The following CLEC11A variants were observed in gnomAD, a reference collection of about 807,000 sequenced individuals.
CLEC11A encodes C-type lectin domain containing 11A.
A neutral mutation model predicts 33.9 loss-of-function variants in CLEC11A; 35 were observed. The observed-to-expected ratio is 1.03, with a 90% CI of 0.79 to 1.37. CLEC11A has a LOEUF of 1.37. Among genes scored for constraint, CLEC11A ranks in the 40% most tolerant of loss-of-function variants. The pLI is 0.00. For missense variants in CLEC11A, 519 were observed against 455.5 expected, an observed-to-expected ratio of 1.14 and a Z score of -1.27; for synonymous variants, 220 against 202.2, an observed-to-expected ratio of 1.09 and a Z score of -0.75.
At position 50,724,159 on chromosome 19, in the gene CLEC11A, GTCGGT is replaced by G; in HGVS notation, c.334+71_334+75del. The G allele has an allele frequency of 6.2e-7, 1 of 1,604,368 alleles. No homozygotes were observed. Among genetic ancestry groups the G allele is most frequent in the South Asian group, 1.1e-5 (1 of 90,540 alleles). ...GCGGTCACTTTCGCAAAAATGAAGG[GTCGGT>G]TCACTGCCAAGTGGCCTTTCAGTTG... is the stretch of plus-strand genomic sequence containing the variant. On this transcript the variant is annotated intron_variant, in intron 2 of 3. Transcript: ENST00000250340. The surrounding 1 kb of genome is among the most constrained non-coding windows in gnomAD (Gnocchi z 4.1).
chr19:50,724,851 C>CG lies in CLEC11A; in HGVS notation c.527-169dup. On this transcript the variant is annotated intron_variant, in intron 3 of 3. Coordinates refer to ENST00000250340, the MANE Select transcript of CLEC11A (RefSeq NM_002975.3). This position sits in a 1 kb window ranked among gnomAD's most constrained non-coding sequence, Gnocchi z 4.1. Reference sequence around the variant, plus strand: ...TCCCACCGCCTGGCCCCGCCCCTGGCGGACCAGACTCTCCACCTCCTGGCT... The same window carrying CG: ...TCCCACCGCCTGGCCCCGCCCCTGGCGGGACCAGACTCTCCACCTCCTGGCT... 1.4e-6 allele frequency: 2 copies of CG among 1,394,492 alleles called. No homozygotes were observed. The highest frequency in any genetic ancestry group is 1.9e-6 in the Non-Finnish European group (2 of 1,079,676). 86.4% of individuals were successfully genotyped at this position (1,394,492 alleles called of 1,614,324 possible). A position where few individuals can be genotyped will look rare whatever the true frequency, so the allele number is the denominator to read the frequency against.
At position 50,724,305 on chromosome 19, in the gene CLEC11A, C is replaced by CGAG; in HGVS notation, c.335-105_335-104insGAG. 9.6e-7 allele frequency: 1 copy of CGAG among 1,038,046 alleles called. No individual in the cohort carries two copies. Among genetic ancestry groups the CGAG allele is most frequent in the Non-Finnish European group, 1.3e-6 (1 of 740,810 alleles). 64.3% of individuals were successfully genotyped at this position (1,038,046 alleles called of 1,614,324 possible). ...CCAGGAGTCCGGGGTGCCCCCCCCACCGCCACCCCGCCCTCAGGAGCCCTA... is the reference window on the plus strand; with the variant it reads ...CCAGGAGTCCGGGGTGCCCCCCCCACGAGCGCCACCCCGCCCTCAGGAGCCCTA... On this transcript the variant is annotated intron_variant, in intron 2 of 3. Coordinates refer to ENST00000250340, the MANE Select transcript of CLEC11A (RefSeq NM_002975.3). The surrounding 1 kb of genome is among the most constrained non-coding windows in gnomAD (Gnocchi z 4.1).
At position 50,725,215 on chromosome 19, in the gene CLEC11A, G is replaced by C. The variant is rs1286973640; in HGVS notation, c.720G>C (p.Leu240=). The change falls in exon 4 of 4, where the codon CTG becomes CTC. Residue 240 remains leucine, a synonymous_variant. Transcript: ENST00000250340. ...CTCCCTACAACTGGCCCGTGTGGCT[G>C]GGCGTGCACGATCGGCGCGCCGAGG... ...ALAPYNWPVW[L]GVHDRRAEGL... The C allele has an allele frequency of 6.3e-7, 1 of 1,595,742 alleles. No individual in the cohort carries two copies. Among genetic ancestry groups the C allele is most frequent in the Non-Finnish European group, 8.5e-7 (1 of 1,172,310 alleles).
Position 50,724,581 on chromosome 19 carries a change from G to C in CLEC11A, c.506G>C (p.Arg169Pro), listed in dbSNP as rs767667074. The C allele has an allele frequency of 2.8e-6, 4 of 1,429,630 alleles. No individual in the cohort carries two copies. Among genetic ancestry groups the C allele is most frequent in the Non-Finnish European group, 3.6e-6 (4 of 1,097,026 alleles). The allele number at this position is 1,429,630 out of a possible 1,614,324, so 88.6% of individuals were successfully genotyped here. Residue 169 changes from arginine (R) to proline (P), a missense_variant, in exon 3 of 4, where the codon CGC becomes CCC. Arg to Pro is a moderately radical substitution (Grantham distance 103, BLOSUM62 -2). Coordinates refer to ENST00000250340, the MANE Select transcript of CLEC11A (RefSeq NM_002975.3). The surrounding 1 kb of genome is among the most constrained non-coding windows in gnomAD (Gnocchi z 4.1). ...ALQEAQGRAE[R>P]EHGRLEGCLK... is the part of the protein sequence containing the mutation. ...CAGGAGGCGCAGGGTCGCGCCGAGC[G>C]CGAGCACGGCCGCTTGGAGGGTGAG...
chr19:50,723,728 G>A lies in CLEC11A; in HGVS notation c.147+56G>A. On this transcript the variant is annotated intron_variant, in intron 1 of 3. Coordinates refer to ENST00000250340, the MANE Select transcript of CLEC11A (RefSeq NM_002975.3). The surrounding 1 kb of genome is among the most constrained non-coding windows in gnomAD (Gnocchi z 4.1). Reference sequence around the variant, plus strand: ...TGGTGAACTGTGGGTCTGGGAGGGGGTATTGCAAGGTTAGGGAAATGGACA... The same window carrying A: ...TGGTGAACTGTGGGTCTGGGAGGGGATATTGCAAGGTTAGGGAAATGGACA... 1 of 1,534,502 alleles carries A rather than the reference G, an allele frequency of 6.5e-7. No individual in the cohort carries two copies. The highest frequency in any genetic ancestry group is 1.3e-5 in the South Asian group (1 of 77,956).
Position 50,724,155 on chromosome 19 carries a change from A to G in CLEC11A, c.334+64A>G. ...CGCCGCGGTCACTTTCGCAAAAATG[A>G]AGGGTCGGTTCACTGCCAAGTGGCC... On this transcript the variant is annotated intron_variant, in intron 2 of 3. Coordinates refer to ENST00000250340, the MANE Select transcript of CLEC11A (RefSeq NM_002975.3). This position sits in a 1 kb window ranked among gnomAD's most constrained non-coding sequence, Gnocchi z 4.1. 6.2e-7 allele frequency: 1 copy of G among 1,605,622 alleles called. No homozygotes were observed. The highest frequency in any genetic ancestry group is 2.2e-5 in the East Asian group (1 of 44,810).
Position 50,724,218 on chromosome 19 carries a change from C to T in CLEC11A, c.334+127C>T, listed in dbSNP as rs1568449743. 2.1e-6 allele frequency: 3 copies of T among 1,457,982 alleles called. No homozygotes were observed. The South Asian group carries it at 3.9e-5, about 19-fold the overall frequency. The allele number at this position is 1,457,982 out of a possible 1,614,324, so 90.3% of individuals were successfully genotyped here. A position where few individuals can be genotyped will look rare whatever the true frequency, so the allele number is the denominator to read the frequency against. On this transcript the variant is annotated intron_variant, in intron 2 of 3. Transcript: ENST00000250340. This position sits in a 1 kb window ranked among gnomAD's most constrained non-coding sequence, Gnocchi z 4.1. ...ATTGCCCAGCCCAGAGCCCCCACACCCCTAGGAGCCCCAGGTCCACGGCCA... is the reference window on the plus strand; with the variant it reads ...ATTGCCCAGCCCAGAGCCCCCACACTCCTAGGAGCCCCAGGTCCACGGCCA...
Position 50,724,836 on chromosome 19 carries a change from T to G in CLEC11A, c.527-186T>G. 7.2e-7 allele frequency: 1 copy of G among 1,381,856 alleles called. No homozygotes were observed. Among genetic ancestry groups the G allele is most frequent in the Non-Finnish European group, 9.4e-7 (1 of 1,067,962 alleles). 85.6% of individuals were successfully genotyped at this position (1,381,856 alleles called of 1,614,324 possible). A position where few individuals can be genotyped will look rare whatever the true frequency, so the allele number is the denominator to read the frequency against. On this transcript the variant is annotated intron_variant, in intron 3 of 3. Coordinates refer to ENST00000250340, the MANE Select transcript of CLEC11A (RefSeq NM_002975.3). This position sits in a 1 kb window ranked among gnomAD's most constrained non-coding sequence, Gnocchi z 4.1. ...CCCCTACAGTCCAGCTCCCACCGCC[T>G]GGCCCCGCCCCTGGCGGACCAGACT...
At position 50,723,726 on chromosome 19, in the gene CLEC11A, G is replaced by T. The variant is rs1487629653; in HGVS notation, c.147+54G>T. 13 of 1,535,680 alleles carry T rather than the reference G, an allele frequency of 8.5e-6. No individual in the cohort carries two copies. The African/African-American group carries it at 1.7e-4, about 20-fold the overall frequency. The stretch of plus-strand genomic sequence containing the variant: ...GGTGGTGAACTGTGGGTCTGGGAGG[G>T]GGTATTGCAAGGTTAGGGAAATGGA... On this transcript the variant is annotated intron_variant, in intron 1 of 3. Coordinates refer to ENST00000250340, the MANE Select transcript of CLEC11A (RefSeq NM_002975.3). This position sits in a 1 kb window ranked among gnomAD's most constrained non-coding sequence, Gnocchi z 4.1.
rs760220370 is a variant in CLEC11A, at chr19:50,725,374, C to A, written c.879C>A (p.Leu293=). The change falls in exon 4 of 4, where the codon CTC becomes CTA. Residue 293 remains leucine, a synonymous_variant. Transcript: ENST00000250340. ...LSPDQPNGGT[L]ENCVAQASDD... Reference sequence around the variant, plus strand: ...CGGACCAGCCCAACGGTGGCACGCTCGAGAACTGCGTGGCGCAGGCCTCTG... The same window carrying A: ...CGGACCAGCCCAACGGTGGCACGCTAGAGAACTGCGTGGCGCAGGCCTCTG... 5 of 1,611,996 alleles carry A rather than the reference C, an allele frequency of 3.1e-6. No individual in the cohort carries two copies.
rs759751080 is a variant in CLEC11A, at chr19:50,725,168, C to T, written c.673C>T (p.Arg225Trp). 12 of 1,574,294 alleles carry T rather than the reference C, an allele frequency of 7.6e-6. No individual in the cohort carries two copies. Among genetic ancestry groups the T allele is most frequent in the South Asian group, 1.2e-5 (1 of 86,452 alleles). ...CCGCCAGCAGATGGAGGCGCTCACTCGGTACCTGCGCGCGGCGCTCGCTCC... is the reference window on the plus strand; with the variant it reads ...CCGCCAGCAGATGGAGGCGCTCACTTGGTACCTGCGCGCGGCGCTCGCTCC... Reference protein sequence around the residue: ...ADRQQMEALTRYLRAALAPYN... With the variant: ...ADRQQMEALTWYLRAALAPYN... Residue 225 changes from arginine to tryptophan, a missense_variant, in exon 4 of 4, where the codon CGG becomes TGG. Transcript: ENST00000250340.
chr19:50,723,575 G>A lies in CLEC11A; in HGVS notation c.50G>A (p.Gly17Asp). Reference sequence around the variant, plus strand: ...GCTTTGGTGGTCCCCCAGCTCTTGGGCTTTGGCCATGGGGCTCGGGGAGCA... The same window carrying A: ...GCTTTGGTGGTCCCCCAGCTCTTGGACTTTGGCCATGGGGCTCGGGGAGCA... ...LGALVVPQLL[G>D]FGHGARGAER... is the part of the protein sequence containing the mutation. Residue 17 changes from glycine (G) to aspartate (D), a missense_variant, in exon 1 of 4, where the codon GGC (glycine) becomes GAC (aspartate). Coordinates refer to ENST00000250340, the MANE Select transcript of CLEC11A (RefSeq NM_002975.3). The surrounding 1 kb of genome is among the most constrained non-coding windows in gnomAD (Gnocchi z 4.1). 1 of 1,612,478 alleles carries A rather than the reference G, an allele frequency of 6.2e-7. No homozygotes were observed. Among genetic ancestry groups the A allele is most frequent in the Non-Finnish European group, 8.5e-7 (1 of 1,179,996 alleles).
At position 50,725,329 on chromosome 19, in the gene CLEC11A, C is replaced by T; in HGVS notation, c.834C>T (p.Ala278=). 1 of 1,612,124 alleles carries T rather than the reference C, an allele frequency of 6.2e-7. No individual in the cohort carries two copies. The highest frequency in any genetic ancestry group is 8.5e-7 in the Non-Finnish European group (1 of 1,179,468). ...PRPELGAQPS[A]SPHPLSPDQP... ...CCGAGCTCGGCGCCCAGCCCAGCGC[C>T]TCGCCGCATCCGCTCAGCCCGGACC... The change falls in exon 4 of 4, where the codon GCC becomes GCT. Residue 278 remains alanine, a synonymous_variant. Transcript: ENST00000250340.
rs749897278 is a variant in CLEC11A at position 50,723,927 on chromosome 19, T to G, written c.170T>G (p.Leu57Arg). The G allele has an allele frequency of 1.2e-6, 2 of 1,612,628 alleles. No homozygotes were observed. The highest frequency in any genetic ancestry group is 1.7e-5 in the Admixed American group (1 of 59,894). ...MLKHLQEALGLPAGRGDENPA... is the reference protein window; with the variant it reads ...MLKHLQEALGRPAGRGDENPA... The stretch of plus-strand genomic sequence containing the variant: ...CAGCATCTGCAGGAAGCCCTAGGAC[T>G]GCCTGCTGGGAGGGGGGATGAGAAT... The change falls in exon 2 of 4, where the codon CTG (leucine) becomes CGG (arginine). Residue 57 changes from leucine (L) to arginine (R), a missense_variant. Transcript: ENST00000250340. The surrounding 1 kb of genome is among the most constrained non-coding windows in gnomAD (Gnocchi z 4.1).
rs757998254 is a variant in CLEC11A at position 50,723,930 on chromosome 19, C to T, written c.173C>T (p.Pro58Leu). Residue 58 changes from proline (P) to leucine (L), a missense_variant, in exon 2 of 4, where the codon CCT becomes CTT. Coordinates refer to ENST00000250340, the MANE Select transcript of CLEC11A (RefSeq NM_002975.3). The surrounding 1 kb of genome is among the most constrained non-coding windows in gnomAD (Gnocchi z 4.1). ...LKHLQEALGL[P>L]AGRGDENPAG... ...CATCTGCAGGAAGCCCTAGGACTGC[C>T]TGCTGGGAGGGGGGATGAGAATCCT... 5 of 1,613,052 alleles carry T rather than the reference C, an allele frequency of 3.1e-6. No homozygotes were observed. The highest frequency in any genetic ancestry group is 1.3e-5 in the African/African-American group (1 of 74,848).
In CLEC11A at chr19:50,723,387, G is replaced by A; in HGVS notation, c.-139G>A. On this transcript the variant is annotated 5_prime_UTR_variant, in exon 1 of 4. Coordinates refer to ENST00000250340, the MANE Select transcript of CLEC11A (RefSeq NM_002975.3). This position sits in a 1 kb window ranked among gnomAD's most constrained non-coding sequence, Gnocchi z 4.1. ...ACAGAGACGAGGAGAGGAACAGGAA[G>A]AGAGAAGCTGGGAGAATCGGGAACC... The A allele has an allele frequency of 1.2e-6, 1 of 814,484 alleles. No individual in the cohort carries two copies. Among genetic ancestry groups the A allele is most frequent in the Non-Finnish European group, 2.0e-6 (1 of 492,790 alleles). The allele number at this position is 814,484 out of a possible 1,614,324, so 50.5% of individuals were successfully genotyped here.
Position 50,725,458 on chromosome 19 carries a change from C to T in CLEC11A, c.963C>T (p.Phe321=). The T allele has an allele frequency of 1.9e-6, 3 of 1,596,624 alleles. No homozygotes were observed. Among genetic ancestry groups the T allele is most frequent in the Non-Finnish European group, 2.6e-6 (3 of 1,169,250 alleles). Residue 321 remains phenylalanine (F), a synonymous_variant, in exon 4 of 4, where the codon TTC becomes TTT. Coordinates refer to ENST00000250340, the MANE Select transcript of CLEC11A (RefSeq NM_002975.3). Reference sequence around the variant, plus strand: ...GGCGTCTCTACTACGTCTGCGAGTTCCCCTTCTAGCGGGGCCGGTACCCCG... The same window carrying T: ...GGCGTCTCTACTACGTCTGCGAGTTTCCCTTCTAGCGGGGCCGGTACCCCG... ...CQRRLYYVCE[F]PF
chr19:50,724,527 G>C lies in CLEC11A; in HGVS notation c.452G>C (p.Gly151Ala). Residue 151 changes from glycine to alanine, a missense_variant, in exon 3 of 4, where the codon GGC becomes GCC. Transcript: ENST00000250340. The surrounding 1 kb of genome is among the most constrained non-coding windows in gnomAD (Gnocchi z 4.1). The stretch of plus-strand genomic sequence containing the variant: ...CTGCGGCAGCTGCGGAACGCGGCAG[G>C]CGACACCCGCGATGCCGTGCAAGCC... ...QGLRQLRNAAGDTRDAVQALQ... is the reference protein window; with the variant it reads ...QGLRQLRNAAADTRDAVQALQ... 6.5e-7 allele frequency: 1 copy of C among 1,544,358 alleles called. No individual in the cohort carries two copies. Among genetic ancestry groups the C allele is most frequent in the Non-Finnish European group, 8.7e-7 (1 of 1,152,598 alleles).
In CLEC11A at chr19:50,725,332, G is replaced by C. The variant is rs1220771838; in HGVS notation, c.837G>C (p.Ser279=). The C allele has an allele frequency of 1.9e-6, 3 of 1,612,016 alleles. No homozygotes were observed. In the South Asian group the frequency reaches 3.3e-5, roughly 18 times the overall value. The change falls in exon 4 of 4, where the codon TCG becomes TCC. Residue 279 remains serine (S), a synonymous_variant. Transcript: ENST00000250340. ...RPELGAQPSA[S]PHPLSPDQPN... ...AGCTCGGCGCCCAGCCCAGCGCCTC[G>C]CCGCATCCGCTCAGCCCGGACCAGC...
Sources: gnomAD v4.1 joint callset for allele counts on GRCh38, gnomAD v4.1.1 for gene constraint, Gnocchi (gnomAD v3.1) non-coding constraint, MANE v1.5 for transcripts, NCBI Gene and HGNC (gene_info 2026-07-23, HGNC 2026-07-21) for gene names.